The following MROH9 variants were observed in gnomAD, a reference collection of about 807,000 sequenced individuals.
MROH9 encodes the protein maestro heat-like repeat-containing protein family member 9.
MROH9 carries 92 observed loss-of-function variants against 98.2 expected under a neutral mutation model. The observed-to-expected ratio is 0.94, with a 90% confidence interval of 0.79 to 1.11. The LOEUF (loss-of-function observed/expected upper bound fraction) is 1.11, where lower values mean the gene tolerates loss of function less well. Among genes scored for constraint, MROH9 ranks in the 50% most tolerant of loss-of-function variants. The pLI is 0.00. For synonymous variants in MROH9, 397 were observed against 368.9 expected (o/e 1.08, Z -0.87); for missense variants, 1,057 against 1,014.8 (o/e 1.04, Z -0.57).
At chr1:170,946,052 T>C (rs1649320369) in intron 2 of MROH9, among the ~76,000 whole-genome samples, 1 of 151,420 alleles carries the variant, frequency 6.6e-6, no homozygotes. Flanking sequence ...ATAAGAATAA[T>C]GAAATCAAGT....
At chr1:170,978,500 T>A (rs1650802139) in intron 8 of MROH9, among the ~76,000 whole-genome samples, 1 of 152,058 alleles carries the variant, frequency 6.6e-6, no homozygotes, top group African/African-American at 2.4e-5. Flanking sequence ...GTTGGGTATT[T>A]CCAGGGAATA....
At chr1:170,996,116 T>G (rs1432716278) in intron 13 of MROH9, among the ~76,000 whole-genome samples, 1 of 152,150 alleles carries the variant, frequency 6.6e-6, no homozygotes, top group Non-Finnish European at 1.5e-5. Context: ...CTATTTGCCC[T>G]ATTCTCTAAG....
intron 8 of MROH9, among the ~76,000 whole-genome samples, chr1:170,976,561 A>G (rs539514466): frequency 6.6e-6 from 1 of 152,338 alleles, no homozygotes; most frequent in South Asian, 2.1e-4. Context: ...AGCCTGGCCA[A>G]CATGGTGAAA....
chr1:171,027,353 C>T (rs749891848), intron 20 of MROH9, among the ~76,000 whole-genome samples: 8 of 152,182 alleles, frequency 5.3e-5, no homozygotes, highest in Non-Finnish European at 8.8e-5. Flanking sequence ...TGGCTTCCAG[C>T]TTCATCCATG....
intron 3 of MROH9, among the ~76,000 whole-genome samples, chr1:170,949,855 C>T (rs1649478428): frequency 1.3e-5 from 2 of 151,950 alleles, no homozygotes; most frequent in African/African-American, 4.8e-5. Flanking sequence ...CAGCCACCTA[C>T]AACCCCAGAG....
At chr1:170,947,619 G>T in intron 3 of MROH9, 46 bp downstream of exon 3, 1 of 1,514,132 alleles carries the variant, frequency 6.6e-7, no homozygotes, top group South Asian at 1.2e-5. Flanking sequence ...AATTCTCTTG[G>T]AAAAAATAAC....
intron 11 of MROH9, among the ~76,000 whole-genome samples, chr1:170,991,662 A>G (rs1171658921): frequency 6.6e-5 from 10 of 152,306 alleles, no homozygotes; most frequent in African/African-American, 1.9e-4. Context: ...ATTGTGTGAC[A>G]TTTGACAAAA....
At chr1:171,014,031 T>G in intron 15 of MROH9, 86 bp from the exon 16 acceptor site, 1 of 1,160,552 alleles carries the variant, frequency 8.6e-7, no homozygotes, top group Non-Finnish European at 1.2e-6. Context: ...GCATTCTAGT[T>G]TTACCTAGAA....
chr1:171,032,884 A>C (rs1652971125), intron 20 of MROH9, among the ~76,000 whole-genome samples: 1 of 152,220 alleles, frequency 6.6e-6, no homozygotes, highest in Non-Finnish European at 1.5e-5. Context: ...AGAAAGGCTA[A>C]ATCTGCTGGT....
chr1:171,001,407 C>T (rs1425524051), intron 15 of MROH9, among the ~76,000 whole-genome samples: 1 of 151,906 alleles, frequency 6.6e-6, no homozygotes. Flanking sequence ...CTCTTAGCAC[C>T]GTCTTAGCTG....
chr1:170,941,208 T>TC lies in MROH9; in HGVS notation c.-37-4308dup, dbSNP rs563490603. Among the ~76,000 whole-genome samples the TC allele has an allele frequency of 4.4e-3, 677 of 152,174 alleles. 9 individuals carry two copies. Among genetic ancestry groups the TC allele is most frequent in the African/African-American group, 0.015 (643 of 41,528 alleles). Reference sequence around the variant, plus strand: ...CCCCAGAAGGTCTGATTATTTCCTTTCCCCAAGGCACACTTACCCTGGAAA... The same window carrying TC: ...CCCCAGAAGGTCTGATTATTTCCTTTCCCCCAAGGCACACTTACCCTGGAAA... On this transcript the variant is annotated intron_variant, in intron 1 of 21. Transcript: ENST00000367759.
intron 3 of MROH9, among the ~76,000 whole-genome samples, chr1:170,954,621 A>G (rs1649690943): frequency 6.6e-6 from 1 of 152,130 alleles, no homozygotes; most frequent in East Asian, 1.9e-4. Context: ...GTTCATGCCA[A>G]GGGTTTACAT....
At chr1:171,051,927 AG>A (rs1289227305) in intron 20 of MROH9, among the ~76,000 whole-genome samples, 2 of 152,184 alleles carry the variant, frequency 1.3e-5, no homozygotes, top group Non-Finnish European at 1.5e-5. Context: ...CTTTGATAGC[AG>A]GGTAATGATG....
intron 15 of MROH9, among the ~76,000 whole-genome samples, chr1:171,004,239 TGCCCTCCCCC>T (rs1651875361): frequency 6.6e-6 from 1 of 152,160 alleles, no homozygotes; most frequent in African/African-American, 2.4e-5. Context: ...GCCACATTCA[TGCCCTCCCCC>T]GAGTTCTGGC....
chr1:170,943,180 A>G (rs573128237), intron 1 of MROH9, among the ~76,000 whole-genome samples: 1 of 152,100 alleles, frequency 6.6e-6, no homozygotes, highest in Non-Finnish European at 1.5e-5. Flanking sequence ...CAGATGAAAA[A>G]CTTTTTTAAT....
chr1:171,061,893 G>T (rs1471470936), intron 20 of MROH9, among the ~76,000 whole-genome samples: 1 of 152,084 alleles, frequency 6.6e-6, no homozygotes. Flanking sequence ...GGTAGCCCTG[G>T]TGTGTTCCTT....
chr1:171,015,123 A>G, intron 16 of MROH9: 1 of 464,420 alleles, frequency 2.2e-6, no homozygotes, highest in Non-Finnish European at 4.5e-6. Flanking sequence ...TACATCCAAT[A>G]ATAAATCGTT....
At position 170,971,832 on chromosome 1, in the gene MROH9, C is replaced by T. The variant is rs1384865677; in HGVS notation, c.565C>T (p.Gln189Ter). The T allele has an allele frequency of 1.2e-6, 2 of 1,613,926 alleles. No individual in the cohort carries two copies. ...CCATGAAGATCCCTCGATTGTAAAACAAGCATCATTGGGAATGTGTCACCT... is the reference window on the plus strand; with the variant it reads ...CCATGAAGATCCCTCGATTGTAAAATAAGCATCATTGGGAATGTGTCACCT... ...CSHEDPSIVK[Q>*]ASLGMCHLLY... Residue 189 changes from glutamine (Q) to a stop codon, truncating the protein, a stop_gained, in exon 8 of 22, where the codon CAA becomes TAA. Transcript: ENST00000367759. LOFTEE classifies it high-confidence loss of function.
chr1:170,970,727 T>TGA (rs1460980153), intron 7 of MROH9, among the ~76,000 whole-genome samples: 281 of 124,366 alleles, frequency 2.3e-3, no homozygotes, highest in African/African-American at 4.4e-3. Context: ...TGTGTGTGTG[T>TGA]GTGTGAGAGA....
Sources: gnomAD v4.1 joint callset for allele counts (sites outside exome capture counted in the v4.1 genomes callset) on GRCh38, gnomAD v4.1.1 for gene constraint, MANE v1.5 for transcripts, NCBI Gene and HGNC (gene_info 2026-07-23, HGNC 2026-07-21) for gene names.